Variants in ARHGEF28 observed in about 807,000 individuals in gnomAD.
ARHGEF28 encodes Rho guanine nucleotide exchange factor 28.
ARHGEF28 carries 152 observed loss-of-function variants against 206.6 expected under a neutral mutation model. That is an observed-to-expected ratio of 0.74 (90% CI 0.64 to 0.84). The LOEUF (loss-of-function observed/expected upper bound fraction) is 0.84. ARHGEF28 is among the 40% of genes least tolerant of loss of function. ARHGEF28 has a pLI of 0.00. For missense variants in ARHGEF28, 2,028 were observed against 2,073.2 expected (o/e 0.98, Z 0.42); for synonymous variants, 763 against 776.4 (o/e 0.98, Z 0.29).
intron 35 of ARHGEF28, among the ~76,000 whole-genome samples, chr5:73,933,146 A>T (rs907932776): frequency 6.6e-6 from 1 of 152,180 alleles, no homozygotes; most frequent in Non-Finnish European, 1.5e-5. Context: ...TTTAAGCTTT[A>T]AATGAACTCA....
chr5:73,671,941 G>C (rs1165466108), intron 1 of ARHGEF28, among the ~76,000 whole-genome samples: 1 of 150,942 alleles, frequency 6.6e-6, no homozygotes, highest in Non-Finnish European at 1.5e-5. Context: ...ATTTTTAGTA[G>C]AGATGGGGTT....
At chr5:73,770,965 G>A (rs10075056) in intron 4 of ARHGEF28, among the ~76,000 whole-genome samples, 1 of 151,968 alleles carries the variant, frequency 6.6e-6, no homozygotes, top group South Asian at 2.1e-4. Context: ...GAGAGCTCTC[G>A]TGGTAGAGGA....
chr5:73,633,494 G>T (rs762091313), intron 1 of ARHGEF28, among the ~76,000 whole-genome samples: 1 of 151,688 alleles, frequency 6.6e-6, no homozygotes, highest in Non-Finnish European at 1.5e-5. Flanking sequence ...TTGTAAAAAG[G>T]ACTCAATAAG....
intron 22 of ARHGEF28, among the ~76,000 whole-genome samples, chr5:73,876,944 T>C (rs1453628509): frequency 1.4e-5 from 2 of 145,950 alleles, no homozygotes; most frequent in African/African-American, 2.6e-5. Context: ...ATAAAATGAG[T>C]TAGGGAGGAT....
At chr5:73,821,860 A>C (rs1346541349) in intron 9 of ARHGEF28, among the ~76,000 whole-genome samples, 1 of 152,036 alleles carries the variant, frequency 6.6e-6, no homozygotes, top group Non-Finnish European at 1.5e-5. Flanking sequence ...AAAAAAAGTT[A>C]TTTATACATT....
At chr5:73,886,364 CTG>C (rs1291857528) in intron 25 of ARHGEF28, among the ~76,000 whole-genome samples, 1 of 152,194 alleles carries the variant, frequency 6.6e-6, no homozygotes, top group Non-Finnish European at 1.5e-5. Flanking sequence ...ATCAAATGAA[CTG>C]AGAGTTCTGC....
chr5:73,784,348 C>T (rs1754025199), intron 7 of ARHGEF28, among the ~76,000 whole-genome samples: 1 of 152,108 alleles, frequency 6.6e-6, no homozygotes, highest in African/African-American at 2.4e-5. Flanking sequence ...TTTATTATTG[C>T]CTACGATCCA....
intron 14 of ARHGEF28, among the ~76,000 whole-genome samples, chr5:73,856,730 C>T (rs1759065144): frequency 2.0e-5 from 3 of 151,708 alleles, no homozygotes; most frequent in Admixed American, 6.6e-5. Flanking sequence ...TAAATACTTC[C>T]CAGAGATAAA....
intron 2 of ARHGEF28, among the ~76,000 whole-genome samples, chr5:73,711,245 G>T (rs962372150): frequency 6.6e-6 from 1 of 151,954 alleles, no homozygotes; most frequent in Non-Finnish European, 1.5e-5. Flanking sequence ...TAGCTTTATT[G>T]TCTTGAAATT....
chr5:73,741,559 A>T (rs1751436269), intron 2 of ARHGEF28, among the ~76,000 whole-genome samples: 1 of 150,748 alleles, frequency 6.6e-6, no homozygotes. Flanking sequence ...AGCTGGGATT[A>T]TAGGTGTGCG....
At chr5:73,837,055 A>G (rs895087305) in intron 10 of ARHGEF28, among the ~76,000 whole-genome samples, 4 of 152,056 alleles carry the variant, frequency 2.6e-5, no homozygotes, top group Non-Finnish European at 5.9e-5. Flanking sequence ...TAATGTTTTG[A>G]TTACCATATC....
In ARHGEF28 at chr5:73,939,647, G is replaced by T. The variant is rs114836583; in HGVS notation, c.4949-1197G>T. On this transcript the variant is annotated intron_variant, in intron 35 of 35. Coordinates refer to ENST00000513042, the MANE Select transcript of ARHGEF28 (RefSeq NM_001177693.2). ...CTACTGGAAGATGGGATGAAATGAG[G>T]TGTGGCAAGGCCACCATGTCCCCAA... is the stretch of plus-strand genomic sequence containing the variant. Among the ~76,000 whole-genome samples the T allele has an allele frequency of 4.3e-3, 658 of 152,306 alleles. 9 individuals are homozygous for T. Among genetic ancestry groups the T allele is most frequent in the African/African-American group, 0.015 (620 of 41,572 alleles).
intron 2 of ARHGEF28, among the ~76,000 whole-genome samples, chr5:73,733,912 T>C (rs6871609): frequency 0.34 from 51,567 of 151,486 alleles, 10,024 homozygotes; most frequent in African/African-American, 0.54. Context: ...TGGCAGAAGG[T>C]GAAGGGGGAG....
intron 35 of ARHGEF28, among the ~76,000 whole-genome samples, chr5:73,937,369 A>G (rs1181425423): frequency 2.6e-5 from 4 of 152,222 alleles, no homozygotes; most frequent in Admixed American, 6.5e-5. Context: ...AAAACTCTCA[A>G]TCAAGATCCC....
chr5:73,640,401 A>T (rs1049758195), intron 1 of ARHGEF28, among the ~76,000 whole-genome samples: 7 of 152,246 alleles, frequency 4.6e-5, no homozygotes, highest in Non-Finnish European at 8.8e-5. Context: ...CCATTTAGCT[A>T]CCAGTTTGGC....
chr5:73,765,325 T>C (rs1752834473), intron 4 of ARHGEF28, among the ~76,000 whole-genome samples: 1 of 152,228 alleles, frequency 6.6e-6, no homozygotes, highest in African/African-American at 2.4e-5. Flanking sequence ...GTAGAAAGTG[T>C]ACTTCAAATT....
intron 6 of ARHGEF28, chr5:73,778,102 A>G (rs963898229): frequency 6.6e-6 from 1 of 151,334 alleles, no homozygotes; most frequent in Admixed American, 6.6e-5. Context: ...ATGCTACTCA[A>G]GCCTTCAGCC....
chr5:73,912,070 GT>G (rs1201640459), intron 35 of ARHGEF28, among the ~76,000 whole-genome samples: 19 of 147,344 alleles, frequency 1.3e-4, no homozygotes, highest in Non-Finnish European at 2.4e-4. Context: ...ATTTGTCATT[GT>G]AAAAAAAAAA....
chr5:73,668,168 C>G (rs1746084772), intron 1 of ARHGEF28, among the ~76,000 whole-genome samples: 1 of 152,206 alleles, frequency 6.6e-6, no homozygotes, highest in African/African-American at 2.4e-5. Context: ...ATTCTTTCAG[C>G]CTCCACCCAT....
Sources: allele counts gnomAD v4.1 joint callset (sites outside exome capture counted in the v4.1 genomes callset), GRCh38; gene constraint gnomAD v4.1.1; transcripts MANE v1.5; gene names NCBI Gene and HGNC (gene_info 2026-07-23, HGNC 2026-07-21).